The following EEFSEC variants were observed in gnomAD, a reference collection of about 807,000 sequenced individuals.
The protein encoded by EEFSEC is eukaryotic elongation factor, selenocysteine-tRNA specific.
A neutral mutation model predicts 42.1 loss-of-function variants in EEFSEC; 43 were observed. The observed-to-expected ratio is 1.02, with a 90% CI of 0.80 to 1.32. The LOEUF (loss-of-function observed/expected upper bound fraction) is 1.32, where lower values mean the gene tolerates loss of function less well. Among genes scored for constraint, EEFSEC ranks in the 40% most tolerant of loss-of-function variants. EEFSEC has a pLI of 0.00. For synonymous variants in EEFSEC, 354 were observed against 339.1 expected (o/e 1.04, Z -0.48); for missense variants, 745 against 803.6 (o/e 0.93, Z 0.88).
Position 128,211,555 on chromosome 3 carries a change from T to C in EEFSEC, c.317-35281T>C, listed in dbSNP as rs934775480. Reference sequence around the variant, plus strand: ...TTTTTTTCTGGAGACAGAGTCTTGCTCTGTGATCTCAGTACAGTGGTGTGA... The same window carrying C: ...TTTTTTTCTGGAGACAGAGTCTTGCCCTGTGATCTCAGTACAGTGGTGTGA... On this transcript the variant is annotated intron_variant, in intron 1 of 6. Transcript: ENST00000254730. 5.3e-5 allele frequency among the ~76,000 whole-genome samples: 8 copies of C among 151,966 alleles called. No individual in the cohort carries two copies. In the East Asian group the frequency reaches 1.5e-3, roughly 29 times the overall value.
At chr3:128,284,273 A>G (rs143595098) in intron 4 of EEFSEC, among the ~76,000 whole-genome samples, 2 of 152,360 alleles carry the variant, frequency 1.3e-5, no homozygotes, top group Non-Finnish European at 1.5e-5. Flanking sequence ...TCCTTGAACT[A>G]CACAATTCTT....
intron 5 of EEFSEC, 132 bp downstream of exon 5, chr3:128,342,021 G>A (rs1033116442): frequency 1.6e-6 from 2 of 1,275,564 alleles, no homozygotes; most frequent in Non-Finnish European, 2.1e-6. Flanking sequence ...TGTAGTTTCT[G>A]TACAAGGCAT....
chr3:128,257,523 G>A (rs1364693547), intron 2 of EEFSEC, among the ~76,000 whole-genome samples: 1 of 152,148 alleles, frequency 6.6e-6, no homozygotes, highest in African/African-American at 2.4e-5. Context: ...GCAAGTCTGA[G>A]TACAGGATTT....
intron 1 of EEFSEC, among the ~76,000 whole-genome samples, chr3:128,160,927 A>G (rs1323668568): frequency 6.6e-6 from 1 of 152,184 alleles, no homozygotes; most frequent in Non-Finnish European, 1.5e-5. Context: ...TGATAATTGT[A>G]CTTACCATTA....
At chr3:128,280,631 G>T (rs2066515592) in intron 4 of EEFSEC, among the ~76,000 whole-genome samples, 1 of 152,170 alleles carries the variant, frequency 6.6e-6, no homozygotes, top group South Asian at 2.1e-4. Flanking sequence ...GAGCTCCCTG[G>T]CACCAGTTGG....
intron 4 of EEFSEC, among the ~76,000 whole-genome samples, chr3:128,290,885 C>T (rs1425636785): frequency 1.3e-5 from 2 of 152,012 alleles, no homozygotes; most frequent in African/African-American, 2.4e-5. Flanking sequence ...AGCGGGATTA[C>T]AGGTGCCCAC....
At chr3:128,181,133 G>A (rs1018785958) in intron 1 of EEFSEC, among the ~76,000 whole-genome samples, 1 of 152,198 alleles carries the variant, frequency 6.6e-6, no homozygotes, top group Non-Finnish European at 1.5e-5. Context: ...GACGCAGGGA[G>A]TCAGCCTGGG....
Position 128,397,560 on chromosome 3 carries a change from C to T in EEFSEC, c.1601-10509C>T, listed in dbSNP as rs149942015. On this transcript the variant is annotated intron_variant, in intron 6 of 6. Transcript: ENST00000254730. Reference sequence around the variant, plus strand: ...AAGCCGCATCCCAGCTGCCAATCTGCAGAGCCTAGCTTGCCCAGGGCTGCA... The same window carrying T: ...AAGCCGCATCCCAGCTGCCAATCTGTAGAGCCTAGCTTGCCCAGGGCTGCA... 3.0e-3 allele frequency among the ~76,000 whole-genome samples: 463 copies of T among 152,354 alleles called. 4 individuals carry two copies. The highest frequency in any genetic ancestry group is 0.011 in the African/African-American group (442 of 41,588).
At chr3:128,348,281 T>C (rs1055368201) in intron 5 of EEFSEC, among the ~76,000 whole-genome samples, 90 of 150,976 alleles carry the variant, frequency 6.0e-4, no homozygotes, top group African/African-American at 2.1e-3. Flanking sequence ...CGTGTGCGTG[T>C]GTGTGTGTGT....
intron 6 of EEFSEC, among the ~76,000 whole-genome samples, chr3:128,360,712 G>C (rs531831487): frequency 1.9e-4 from 29 of 151,456 alleles, no homozygotes; most frequent in Admixed American, 1.2e-3. Context: ...AGTGGAGGGA[G>C]CCTCTCGGGG....
At chr3:128,353,780 C>G (rs528536584) in intron 5 of EEFSEC, among the ~76,000 whole-genome samples, 10 of 152,232 alleles carry the variant, frequency 6.6e-5, no homozygotes, top group Non-Finnish European at 1.5e-4. Flanking sequence ...TTGCCACACT[C>G]ACTAGCTGCG....
intron 4 of EEFSEC, among the ~76,000 whole-genome samples, chr3:128,320,306 A>G (rs1354502018): frequency 1.3e-5 from 2 of 152,240 alleles, no homozygotes; most frequent in Non-Finnish European, 2.9e-5. Context: ...CATTGTCACC[A>G]TAATCCAAAT....
chr3:128,292,522 TTTTA>T (rs1182218269), intron 4 of EEFSEC, among the ~76,000 whole-genome samples: 1 of 151,662 alleles, frequency 6.6e-6, no homozygotes, highest in Non-Finnish European at 1.5e-5. Flanking sequence ...TGATTCAGAT[TTTTA>T]TTCTTGTGTG....
At chr3:128,376,873 A>G (rs180986854) in intron 6 of EEFSEC, among the ~76,000 whole-genome samples, 15 of 152,258 alleles carry the variant, frequency 9.9e-5, no homozygotes, top group African/African-American at 2.6e-4. Context: ...TCTGCACCCA[A>G]AGGTTTGGGG....
intron 1 of EEFSEC, among the ~76,000 whole-genome samples, chr3:128,154,307 C>T (rs904134011): frequency 6.6e-6 from 1 of 152,006 alleles, no homozygotes. Flanking sequence ...TGTATAAATC[C>T]CTCTTTCCCT....
intron 4 of EEFSEC, among the ~76,000 whole-genome samples, chr3:128,266,985 A>C (rs903333667): frequency 2.0e-5 from 3 of 152,010 alleles, no homozygotes; most frequent in African/African-American, 7.3e-5. Flanking sequence ...TCTGGGGGCC[A>C]CTCTGACCTG....
chr3:128,303,983 T>G (rs1279779692), intron 4 of EEFSEC, among the ~76,000 whole-genome samples: 1 of 152,164 alleles, frequency 6.6e-6, no homozygotes, highest in African/African-American at 2.4e-5. Flanking sequence ...AGTCCATCTC[T>G]GAGCTTTTTT....
intron 6 of EEFSEC, among the ~76,000 whole-genome samples, chr3:128,363,478 C>T (rs1231485546): frequency 6.6e-6 from 1 of 152,102 alleles, no homozygotes; most frequent in Non-Finnish European, 1.5e-5. Context: ...TCAGGGTATG[C>T]GGGAGAAGGG....
intron 4 of EEFSEC, among the ~76,000 whole-genome samples, chr3:128,331,932 A>C (rs1394278071): frequency 1.3e-5 from 2 of 152,194 alleles, no homozygotes; most frequent in African/African-American, 4.8e-5. Flanking sequence ...ACAGTTTCTC[A>C]TCCAGATATC....
Sources: gnomAD v4.1 joint callset for allele counts (sites outside exome capture counted in the v4.1 genomes callset) on GRCh38, gnomAD v4.1.1 for gene constraint, MANE v1.5 for transcripts, NCBI Gene and HGNC (gene_info 2026-07-23, HGNC 2026-07-21) for gene names.